MDGA2: variants seen among roughly 807,000 people sequenced by gnomAD.
The protein encoded by MDGA2 is MAM domain containing glycosylphosphatidylinositol anchor 2, also known as MAM domain-containing glycosylphosphatidylinositol anchor protein 2.
Under a neutral mutation model 117.8 loss-of-function variants are expected in MDGA2, and 40 were observed. That is an observed-to-expected ratio of 0.34 (90% CI 0.26 to 0.44). The LOEUF is 0.44. Ranked by LOEUF, MDGA2 falls within the 20% of genes least tolerant of loss-of-function variation. The pLI, the probability that MDGA2 is intolerant of heterozygous loss-of-function variation, is 1.00. For missense variants in MDGA2, 1,123 were observed against 1,250.6 expected (o/e 0.90, Z 1.54); for synonymous variants, 452 against 439.0 (o/e 1.03, Z -0.37).
chr14:47,077,524 T>C (rs1036172999), intron 6 of MDGA2, among the ~76,000 whole-genome samples: 1 of 152,108 alleles, frequency 6.6e-6, no homozygotes, highest in African/African-American at 2.4e-5. Context: ...TATTTTGCAT[T>C]TTCTACATAA....
At position 47,087,486 on chromosome 14, in the gene MDGA2, A is replaced by G. The variant is rs185367663; in HGVS notation, c.1195+9368T>C. Among the ~76,000 whole-genome samples the G allele has an allele frequency of 2.3e-4, 35 of 149,886 alleles. No homozygotes were observed. In the East Asian group the frequency reaches 3.7e-3, roughly 16 times the overall value. Reference sequence around the variant, plus strand: ...AAAAAAAAAAAAAAAAAAAAAAAGAATTATAGATGGTTAGATGGTTAGAGC... The same window carrying G: ...AAAAAAAAAAAAAAAAAAAAAAAGAGTTATAGATGGTTAGATGGTTAGAGC... On this transcript the variant is annotated intron_variant, in intron 6 of 16. Transcript: ENST00000399232.
At chr14:47,258,167 A>G (rs73251641) in intron 2 of MDGA2, among the ~76,000 whole-genome samples, 29,369 of 152,072 alleles carry the variant, frequency 0.19, 3,094 homozygotes, top group South Asian at 0.29. Flanking sequence ...CATTTGCTGG[A>G]AAATCATTTA....
chr14:47,155,333 C>T (rs943625166), intron 3 of MDGA2, among the ~76,000 whole-genome samples: 13 of 152,088 alleles, frequency 8.5e-5, no homozygotes, highest in Middle Eastern at 6.8e-3. Context: ...AACATGCCTC[C>T]CTGCTTGCCA....
chr14:47,288,878 A>C (rs1888779015), intron 2 of MDGA2, among the ~76,000 whole-genome samples: 1 of 152,136 alleles, frequency 6.6e-6, no homozygotes, highest in African/African-American at 2.4e-5. Flanking sequence ...GATCACAGAA[A>C]GATTGTTATT....
chr14:47,136,324 G>A (rs1432033758), intron 4 of MDGA2, among the ~76,000 whole-genome samples: 1 of 151,170 alleles, frequency 6.6e-6, no homozygotes, highest in African/African-American at 2.4e-5. Context: ...AGCCTCCCAA[G>A]TAGCTGGGAT....
At chr14:47,373,700 C>G (rs1384254805) in intron 1 of MDGA2, among the ~76,000 whole-genome samples, 1 of 151,888 alleles carries the variant, frequency 6.6e-6, no homozygotes. Flanking sequence ...TAGGGGGTTT[C>G]TTTTTGGAGG....
intron 2 of MDGA2, among the ~76,000 whole-genome samples, chr14:47,281,640 C>G (rs1041794331): frequency 4.6e-5 from 7 of 152,178 alleles, no homozygotes; most frequent in African/African-American, 1.7e-4. Context: ...CATATTTCAA[C>G]TAATGATTTT....
At chr14:47,081,562 T>C (rs1330688225) in intron 6 of MDGA2, among the ~76,000 whole-genome samples, 6 of 152,040 alleles carry the variant, frequency 3.9e-5, no homozygotes, top group African/African-American at 4.8e-5. Flanking sequence ...ACAAAAACAC[T>C]AGAGTTTATT....
intron 1 of MDGA2, among the ~76,000 whole-genome samples, chr14:47,319,864 G>C (rs12185006): frequency 0.6 from 90,601 of 152,012 alleles, 27,865 homozygotes; most frequent in Middle Eastern, 0.72. Flanking sequence ...CAAAATGTGA[G>C]TTTATTTAGA....
chr14:47,512,698 G>A (rs894497808), intron 1 of MDGA2, among the ~76,000 whole-genome samples: 4 of 152,108 alleles, frequency 2.6e-5, no homozygotes, highest in Admixed American at 6.6e-5. Flanking sequence ...AATTATTGAT[G>A]TCAGTCTCTT....
intron 1 of MDGA2, among the ~76,000 whole-genome samples, chr14:47,458,858 G>A (rs1200634715): frequency 1.3e-5 from 2 of 151,412 alleles, no homozygotes; most frequent in Non-Finnish European, 2.9e-5. Context: ...CTCTGGGACT[G>A]AAAGAATATA....
intron 8 of MDGA2, among the ~76,000 whole-genome samples, chr14:46,971,486 A>G (rs1216518300): frequency 6.6e-6 from 1 of 152,110 alleles, no homozygotes; most frequent in Non-Finnish European, 1.5e-5. Context: ...ATTCTCTTTC[A>G]TATGTGAGAG....
intron 1 of MDGA2, among the ~76,000 whole-genome samples, chr14:47,643,208 A>G (rs1185737288): frequency 6.6e-6 from 1 of 152,054 alleles, no homozygotes; most frequent in Admixed American, 6.6e-5. Flanking sequence ...TTTTAATTCT[A>G]TTCATAAGCA....
chr14:47,025,956 A>G (rs1202162156), intron 8 of MDGA2, among the ~76,000 whole-genome samples: 4 of 152,140 alleles, frequency 2.6e-5, no homozygotes, highest in African/African-American at 9.7e-5. Context: ...TTGATACCAA[A>G]TACGCCTCTA....
intron 1 of MDGA2, among the ~76,000 whole-genome samples, chr14:47,507,174 T>G (rs1354396113): frequency 2.0e-5 from 3 of 152,224 alleles, no homozygotes; most frequent in African/African-American, 4.8e-5. Context: ...AACAGAGAGA[T>G]AAATTGCAGA....
chr14:47,596,775 T>C (rs1327925176), intron 1 of MDGA2, among the ~76,000 whole-genome samples: 1 of 152,156 alleles, frequency 6.6e-6, no homozygotes, highest in African/African-American at 2.4e-5. Flanking sequence ...TAAAATATCC[T>C]TGTGAGGTTA....
chr14:47,222,329 C>T (rs1429696489), intron 2 of MDGA2, among the ~76,000 whole-genome samples: 1 of 151,666 alleles, frequency 6.6e-6, no homozygotes, highest in African/African-American at 2.4e-5. Context: ...AATAAATTTG[C>T]AGTTAAAAAC....
chr14:47,217,928 C>G, intron 3 of MDGA2, 93 bp downstream of exon 3: 2 of 1,049,124 alleles, frequency 1.9e-6, no homozygotes, highest in Non-Finnish European at 2.6e-6. Flanking sequence ...CTCAGCTAAA[C>G]AGAACGCTAT....
intron 1 of MDGA2, among the ~76,000 whole-genome samples, chr14:47,341,657 T>A (rs1291475905): frequency 1.3e-5 from 2 of 152,242 alleles, no homozygotes; most frequent in Non-Finnish European, 2.9e-5. Flanking sequence ...TGTAAGTTTT[T>A]ATGTTCCTTG....
Sources: gnomAD v4.1 joint callset for allele counts (sites outside exome capture counted in the v4.1 genomes callset) on GRCh38, gnomAD v4.1.1 for gene constraint, MANE v1.5 for transcripts, NCBI Gene and HGNC (gene_info 2026-07-23, HGNC 2026-07-21) for gene names.